Variants in SULT6B1 observed in about 807,000 individuals in gnomAD.
SULT6B1 encodes sulfotransferase family 6B member 1.
SULT6B1 carries 44 observed loss-of-function variants against 37.2 expected under a neutral mutation model. The observed-to-expected ratio is 1.18, with a 90% CI of 0.93 to 1.52. The LOEUF (loss-of-function observed/expected upper bound fraction) is 1.52. Ranked by LOEUF, SULT6B1 falls within the 40% of genes most tolerant of loss-of-function variation. The pLI is 0.00. For missense variants in SULT6B1, 450 were observed against 361.0 expected (o/e 1.25, Z -2.00); for synonymous variants, 140 against 126.0 (o/e 1.11, Z -0.74).
intron 6 of SULT6B1, among the ~76,000 whole-genome samples, chr2:37,170,075 A>AT (rs1314827549): frequency 6.6e-6 from 1 of 152,148 alleles, no homozygotes; most frequent in African/African-American, 2.4e-5. Context: ...CCTCTTCCTT[A>AT]TGGACAAAAC....
intron 5 of SULT6B1, among the ~76,000 whole-genome samples, chr2:37,174,529 A>G (rs576197151): frequency 5.9e-4 from 90 of 152,144 alleles, no homozygotes; most frequent in African/African-American, 2.0e-3. Flanking sequence ...AATTTGTCCA[A>G]TCCTTCCCCG....
At chr2:37,194,568 C>A in intron 1 of SULT6B1, 1 of 372,032 alleles carries the variant, frequency 2.7e-6, no homozygotes, top group South Asian at 2.2e-5. Context: ...TCTGGAGTTC[C>A]CATCTCCTTC....
At chr2:37,193,590 A>G (rs1676827018), upstream of SULT6B1, among the ~76,000 whole-genome samples, 1 of 133,704 alleles carries the variant, frequency 7.5e-6, no homozygotes, top group Non-Finnish European at 1.6e-5. Flanking sequence ...AAAAAGAAGA[A>G]GAAGAAAAAG....
chr2:37,169,744 C>T lies in SULT6B1; in HGVS notation c.782-1679G>A, dbSNP rs144666918. 2.0e-3 allele frequency among the ~76,000 whole-genome samples: 312 copies of T among 152,288 alleles called. 2 individuals are homozygous for T. Among genetic ancestry groups the T allele is most frequent in the African/African-American group, 6.1e-3 (252 of 41,566 alleles). ...TCCTGATCTCATGATCCACCTGCCT[C>T]GGCCTCCCAAAGTGCTGGGATTACA... On this transcript the variant is annotated intron_variant, in intron 6 of 6. Transcript: ENST00000535679.
chr2:37,179,261 A>G (rs532941565), intron 4 of SULT6B1, among the ~76,000 whole-genome samples, 197 bp downstream of exon 4: 2 of 152,220 alleles, frequency 1.3e-5, no homozygotes, highest in African/African-American at 4.8e-5. Context: ...CCTGGCCCCA[A>G]ATTCGTTTTT....
intron 4 of SULT6B1, among the ~76,000 whole-genome samples, chr2:37,176,336 C>T (rs1017909287): frequency 2.9e-5 from 4 of 138,508 alleles, no homozygotes; most frequent in Non-Finnish European, 4.5e-5. Flanking sequence ...AATCTCAGCT[C>T]ACTGCAACCT....
chr2:37,168,520 C>CT (rs1338738343), intron 6 of SULT6B1, among the ~76,000 whole-genome samples: 4 of 152,192 alleles, frequency 2.6e-5, no homozygotes, highest in African/African-American at 7.2e-5. Context: ...TCCATTGGGA[C>CT]TCCACCATCT....
At chr2:37,193,605 A>AGAAGAAGAAGAG (rs1558454869), upstream of SULT6B1, among the ~76,000 whole-genome samples, 1 of 124,572 alleles carries the variant, frequency 8.0e-6, no homozygotes, top group Non-Finnish European at 1.7e-5. Flanking sequence ...AAAAAGAAGA[A>AGAAGAAGAAGAG]GAAGAAGAAG....
intron 3 of SULT6B1, among the ~76,000 whole-genome samples, chr2:37,180,151 T>C (rs1394045690): frequency 1.3e-5 from 2 of 152,148 alleles, no homozygotes; most frequent in East Asian, 3.9e-4. Context: ...ACCAAAAGAT[T>C]GCAGAGGATC....
At chr2:37,187,858 C>T (rs866604456) in intron 1 of SULT6B1, among the ~76,000 whole-genome samples, 2 of 148,186 alleles carry the variant, frequency 1.3e-5, no homozygotes, top group Middle Eastern at 7.2e-3. Context: ...AACACAGCAT[C>T]AGTTAAGAAA....
At chr2:37,170,878 G>C (rs1676281655) in intron 6 of SULT6B1, among the ~76,000 whole-genome samples, 2 of 152,082 alleles carry the variant, frequency 1.3e-5, no homozygotes, top group African/African-American at 4.8e-5. Context: ...TTGAGCTTCA[G>C]CTGCTATCTT....
At chr2:37,179,969 T>C (rs1676515330) in intron 3 of SULT6B1, among the ~76,000 whole-genome samples, 1 of 152,164 alleles carries the variant, frequency 6.6e-6, no homozygotes, top group Admixed American at 6.5e-5. Flanking sequence ...TTAGAGTTGG[T>C]AGGAGAAGAT....
rs142417782 is a variant in SULT6B1 at position 37,173,306 on chromosome 2, T to C, written c.625-1716A>G. 2.0e-3 allele frequency among the ~76,000 whole-genome samples: 307 copies of C among 152,326 alleles called. 1 individual carries two copies. Among genetic ancestry groups the C allele is most frequent in the African/African-American group, 7.2e-3 (299 of 41,582 alleles). ...CCTCAGTAGCCCCCGCTTCCTGGTC[T>C]CCTTTGCTGATTCCTCCTTTTTTCC... is the stretch of plus-strand genomic sequence containing the variant. On this transcript the variant is annotated intron_variant, in intron 5 of 6. Transcript: ENST00000535679.
chr2:37,172,116 T>A (rs1558444419), intron 5 of SULT6B1, among the ~76,000 whole-genome samples: 1 of 151,728 alleles, frequency 6.6e-6, no homozygotes, highest in African/African-American at 2.4e-5. Context: ...AAGGGCACAA[T>A]CACGGCTCAC....
Position 37,171,320 on chromosome 2 carries a change from G to A in SULT6B1, c.781+114C>T, listed in dbSNP as rs186847484. 2.9e-5 allele frequency: 37 copies of A among 1,293,296 alleles called. No homozygotes were observed. The Middle Eastern group carries it at 7.7e-4, about 27-fold the overall frequency. The allele number at this position is 1,293,296 out of a possible 1,614,324, so 80.1% of individuals were successfully genotyped here. A position where few individuals can be genotyped will look rare whatever the true frequency, so the allele number is the denominator to read the frequency against. On this transcript the variant is annotated intron_variant, in intron 6 of 6. Coordinates refer to ENST00000535679, the MANE Select transcript of SULT6B1 (RefSeq NM_001367551.1). ...AGAGCCTGTGTCCAGACCTCTTACT[G>A]AGGCGGAGAAAAATAAAACCCTATC...
Position 37,179,588 on chromosome 2 carries a change from G to A in SULT6B1, c.403-4C>T. The A allele has an allele frequency of 6.2e-7, 1 of 1,607,288 alleles. No homozygotes were observed. The highest frequency in any genetic ancestry group is 8.5e-7 in the Non-Finnish European group (1 of 1,178,734). On this transcript the variant is annotated splice_polypyrimidine_tract_variant and splice_region_variant and intron_variant, in intron 3 of 6. Coordinates refer to ENST00000535679, the MANE Select transcript of SULT6B1 (RefSeq NM_001367551.1). ...GGTTTCGAAATATCACCAATATCTA[G>A]GGAGCAAAAATTGAGTTAATTTATT... is the stretch of plus-strand genomic sequence containing the variant.
intron 2 of SULT6B1, 91 bp downstream of exon 2, chr2:37,187,264 C>T (rs1041516985): frequency 2.4e-6 from 2 of 823,838 alleles, no homozygotes; most frequent in African/African-American, 1.7e-5. Context: ...ATTAGCATTG[C>T]ACTTTCTAAA....
chr2:37,193,653 AGAAGAAGG>A, upstream of SULT6B1, among the ~76,000 whole-genome samples: 2 of 118,654 alleles, frequency 1.7e-5, no homozygotes, highest in African/African-American at 6.2e-5. Flanking sequence ...AAGAAGAAGG[AGAAGAAGG>A]AGAAGAAGGA....
intron 5 of SULT6B1, among the ~76,000 whole-genome samples, chr2:37,172,823 C>CATGT (rs1676334901): frequency 6.7e-6 from 1 of 149,210 alleles, no homozygotes; most frequent in African/African-American, 2.5e-5. Flanking sequence ...CATACATTTG[C>CATGT]TTGTTTGTTT....
Sources: allele counts gnomAD v4.1 joint callset (sites outside exome capture counted in the v4.1 genomes callset), GRCh38; gene constraint gnomAD v4.1.1; transcripts MANE v1.5; gene names NCBI Gene and HGNC (gene_info 2026-07-23, HGNC 2026-07-21).